The following KIF16B variants were observed in gnomAD, a reference collection of about 807,000 sequenced individuals.
The protein encoded by KIF16B is kinesin-like protein KIF16B.
Under a neutral mutation model 156.3 loss-of-function variants are expected in KIF16B, and 98 were observed. The observed-to-expected ratio is 0.63, with a 90% CI of 0.53 to 0.74. The LOEUF (loss-of-function observed/expected upper bound fraction) is 0.74, where lower values mean the gene tolerates loss of function less well. Ranked by LOEUF, KIF16B falls within the 30% of genes least tolerant of loss-of-function variation. The pLI is 0.00. For missense variants in KIF16B, 1,421 were observed against 1,606.5 expected (o/e 0.88, Z 1.97); for synonymous variants, 564 against 583.7 (o/e 0.97, Z 0.49).
chr20:16,456,750 T>C (rs1384759706), intron 12 of KIF16B, among the ~76,000 whole-genome samples: 1 of 152,090 alleles, frequency 6.6e-6, no homozygotes, highest in Non-Finnish European at 1.5e-5. Context: ...CCCCGAACCA[T>C]GGATTCTGTG....
In KIF16B at chr20:16,506,095, G is replaced by C; in HGVS notation, c.795C>G (p.Thr265=). 1 of 1,613,882 alleles carries C rather than the reference G, an allele frequency of 6.2e-7. No homozygotes were observed. Among genetic ancestry groups the C allele is most frequent in the Non-Finnish European group, 8.5e-7 (1 of 1,179,810 alleles). Residue 265 remains threonine (T), a synonymous_variant, in exon 8 of 26, where the codon ACC becomes ACG. Coordinates refer to ENST00000354981, the MANE Select transcript of KIF16B (RefSeq NM_024704.5). ...GSERADATGA[T]GVRLKEGGNI... is the part of the protein sequence containing the mutation. ...TTCCCCCTTCCTTTAGCCTAACCCC[G>C]GTGGCTCCGGTGGCATCTGCACGCT...
intron 24 of KIF16B, among the ~76,000 whole-genome samples, chr20:16,327,675 T>C (rs1383732306): frequency 6.6e-6 from 1 of 152,156 alleles, no homozygotes; most frequent in African/African-American, 2.4e-5. Flanking sequence ...CCACTCATCC[T>C]TGAAAGCAGT....
chr20:16,431,460 C>T (rs1174595316), intron 12 of KIF16B, among the ~76,000 whole-genome samples: 2 of 152,172 alleles, frequency 1.3e-5, no homozygotes, highest in Non-Finnish European at 2.9e-5. Context: ...TCAAACTTGC[C>T]AGCCTGCCCC....
intron 15 of KIF16B, among the ~76,000 whole-genome samples, chr20:16,424,184 A>C (rs2066296006): frequency 6.6e-6 from 1 of 152,028 alleles, no homozygotes; most frequent in Non-Finnish European, 1.5e-5. Flanking sequence ...CTGACCTTTG[A>C]TCTTCCTGGC....
chr20:16,314,677 G>A (rs1322899691), intron 24 of KIF16B, among the ~76,000 whole-genome samples: 1 of 152,186 alleles, frequency 6.6e-6, no homozygotes, highest in Admixed American at 6.5e-5. Context: ...AAAGGATTCC[G>A]TGAAGATTTA....
At chr20:16,282,841 T>C (rs1464761880) in intron 25 of KIF16B, among the ~76,000 whole-genome samples, 3 of 152,216 alleles carry the variant, frequency 2.0e-5, no homozygotes, top group African/African-American at 7.2e-5. Flanking sequence ...GGTGAAGTCC[T>C]GCCAGGCCTT....
chr20:16,484,857 A>G (rs1600515835), intron 12 of KIF16B, among the ~76,000 whole-genome samples: 1 of 152,178 alleles, frequency 6.6e-6, no homozygotes, highest in East Asian at 1.9e-4. Context: ...ATACATACAC[A>G]GTTGCAAACC....
chr20:16,483,709 C>T (rs138743923), intron 12 of KIF16B, among the ~76,000 whole-genome samples: 1 of 152,046 alleles, frequency 6.6e-6, no homozygotes, highest in Non-Finnish European at 1.5e-5. Flanking sequence ...TGGTGACCAA[C>T]GTCAGAAAAA....
At chr20:16,506,284 G>T in intron 7 of KIF16B, 94 bp from the exon 8 acceptor site, 1 of 1,035,930 alleles carries the variant, frequency 9.7e-7, no homozygotes, top group Non-Finnish European at 1.5e-6. Context: ...TCCTCACTGA[G>T]ATCTCTCAGG....
At chr20:16,552,343 A>C (rs1323213432) in intron 1 of KIF16B, among the ~76,000 whole-genome samples, 1 of 152,242 alleles carries the variant, frequency 6.6e-6, no homozygotes, top group African/African-American at 2.4e-5. Context: ...ATCACGCTGA[A>C]GCCAGAGAAC....
At chr20:16,403,806 GT>G (rs1345996808) in intron 17 of KIF16B, among the ~76,000 whole-genome samples, 7 of 152,188 alleles carry the variant, frequency 4.6e-5, no homozygotes, top group Non-Finnish European at 1.0e-4. Context: ...GGCTGAAGGA[GT>G]GAATGGCTTT....
intron 9 of KIF16B, 44 bp downstream of exon 9, chr20:16,505,678 A>G: frequency 1.3e-6 from 2 of 1,553,340 alleles, no homozygotes; most frequent in Non-Finnish European, 1.8e-6. Flanking sequence ...CAGTTAATTC[A>G]CAGAAAATAT....
At chr20:16,354,348 A>C (rs1423387182) in intron 23 of KIF16B, among the ~76,000 whole-genome samples, 5 of 152,136 alleles carry the variant, frequency 3.3e-5, no homozygotes, top group Admixed American at 2.0e-4. Context: ...TGTGCTGGGG[A>C]ATTCTAATTC....
rs115243314 is a variant in KIF16B, at chr20:16,499,293, C to T, written c.1177-1615G>A. On this transcript the variant is annotated intron_variant, in intron 10 of 25. Transcript: ENST00000354981. Reference sequence around the variant, plus strand: ...CAGGAAACCCAGAGCTATGGTTTCTCAGCTGATATTAATAGTACATATGTA... The same window carrying T: ...CAGGAAACCCAGAGCTATGGTTTCTTAGCTGATATTAATAGTACATATGTA... Among the ~76,000 whole-genome samples the T allele has an allele frequency of 2.7e-3, 411 of 152,318 alleles. 2 individuals carry two copies. Among genetic ancestry groups the T allele is most frequent in the African/African-American group, 9.4e-3 (391 of 41,570 alleles).
In KIF16B at chr20:16,421,069, C is replaced by T. The variant is rs188745585; in HGVS notation, c.1612+6035G>A. ...GAGGGCTAGGGGATGAAGGGCTGAT[C>T]CAATATGGTAAGCATATAGCTACCT... On this transcript the variant is annotated intron_variant, in intron 15 of 25. Transcript: ENST00000354981. Among the ~76,000 whole-genome samples the T allele has an allele frequency of 5.8e-4, 89 of 152,156 alleles. 1 individual carries two copies. The East Asian group carries it at 0.012, about 21-fold the overall frequency.
intron 15 of KIF16B, among the ~76,000 whole-genome samples, chr20:16,421,125 T>C (rs1374516618): frequency 6.6e-6 from 1 of 152,132 alleles, no homozygotes; most frequent in Non-Finnish European, 1.5e-5. Flanking sequence ...TTGGCTGTCA[T>C]CTGTTAATTC....
intron 15 of KIF16B, among the ~76,000 whole-genome samples, chr20:16,424,941 C>CTTGTTTATACTATA (rs1241073971): frequency 6.6e-6 from 1 of 152,096 alleles, no homozygotes; most frequent in African/African-American, 2.4e-5. Context: ...GTATAAACTC[C>CTTGTTTATACTATA]TTGTTAGCAA....
At chr20:16,534,257 A>AT (rs1236020181) in intron 1 of KIF16B, among the ~76,000 whole-genome samples, 3 of 124,008 alleles carry the variant, frequency 2.4e-5, no homozygotes, top group African/African-American at 5.8e-5. Flanking sequence ...TCTGTCTCAA[A>AT]TAAAAAAAAA....
intron 25 of KIF16B, among the ~76,000 whole-genome samples, chr20:16,297,557 G>A (rs1020073096): frequency 6.6e-5 from 10 of 151,974 alleles, no homozygotes; most frequent in South Asian, 2.1e-4. Context: ...TTAGCTGGGC[G>A]TGGTGGCGGG....
Sources: allele counts gnomAD v4.1 joint callset (sites outside exome capture counted in the v4.1 genomes callset), GRCh38; gene constraint gnomAD v4.1.1; transcripts MANE v1.5; gene names NCBI Gene and HGNC (gene_info 2026-07-23, HGNC 2026-07-21).